Variants in AIDA observed in about 807,000 individuals in gnomAD.
The protein encoded by AIDA is axin interactor, dorsalization associated.
AIDA carries 18 observed loss-of-function variants against 42.7 expected under a neutral mutation model. That is an observed-to-expected ratio of 0.42 (90% CI 0.29 to 0.63). AIDA has a LOEUF of 0.63. Ranked by LOEUF, AIDA falls within the 20% of genes least tolerant of loss-of-function variation. The pLI is 0.19. For missense variants in AIDA, 250 were observed against 354.1 expected (o/e 0.71, Z 2.36); for synonymous variants, 104 against 122.9 (o/e 0.85, Z 1.02).
chr1:222,694,915 C>CT (rs1204771983), intron 2 of AIDA, among the ~76,000 whole-genome samples: 2 of 152,112 alleles, frequency 1.3e-5, no homozygotes, highest in African/African-American at 4.8e-5. Flanking sequence ...AGGTATGCCA[C>CT]TATATGACCT....
intron 6 of AIDA, among the ~76,000 whole-genome samples, chr1:222,676,727 C>A (rs1475117009): frequency 6.6e-6 from 1 of 152,056 alleles, no homozygotes; most frequent in East Asian, 1.9e-4. Flanking sequence ...ACAATCACAG[C>A]TCACTGCAGC....
At position 222,676,188 on chromosome 1, in the gene AIDA, G is replaced by A; in HGVS notation, c.491C>T (p.Pro164Leu). Residue 164 changes from proline to leucine, a missense_variant, in exon 7 of 10, where the codon CCA becomes CTA. Pro to Leu is a moderately conservative substitution (Grantham distance 98). Around this residue, in one of 4 missense-constraint regions of AIDA, gnomAD observed 199 missense variants for 232.6 expected, o/e 0.86. Coordinates refer to ENST00000340020, the MANE Select transcript of AIDA (RefSeq NM_022831.4). ...GTLLPRLPSE[P>L]GMTLLTIRIE... ...TCTGATAGTGAGTAATGTCATTCCT[G>A]GTTCCGATGGCAACCTTGGTAATAA... 6.2e-7 allele frequency: 1 copy of A among 1,611,574 alleles called. No individual in the cohort carries two copies. The highest frequency in any genetic ancestry group is 8.5e-7 in the Non-Finnish European group (1 of 1,179,128).
At chr1:222,681,247 T>A (rs1399312778) in intron 6 of AIDA, among the ~76,000 whole-genome samples, 1 of 152,226 alleles carries the variant, frequency 6.6e-6, no homozygotes, top group African/African-American at 2.4e-5. Context: ...GCTGACACTG[T>A]CAACTCATGG....
Position 222,669,604 on chromosome 1 carries a change from T to C in AIDA, c.*289A>G. On this transcript the variant is annotated 3_prime_UTR_variant, in exon 10 of 10. Transcript: ENST00000340020. ...AACAGTATTGTTCCAGGAAGCAGGG[T>C]AGGAGTAGTGGTAAATTAGAAAATA... 3.4e-6 allele frequency: 1 copy of C among 290,414 alleles called. No homozygotes were observed. Among genetic ancestry groups the C allele is most frequent in the Admixed American group, 4.6e-5 (1 of 21,794 alleles). 18.0% of individuals were successfully genotyped at this position (290,414 alleles called of 1,614,324 possible). A position where few individuals can be genotyped will look rare whatever the true frequency, so the allele number is the denominator to read the frequency against.
chr1:222,671,751 A>C, intron 8 of AIDA, among the ~76,000 whole-genome samples: 1 of 152,198 alleles, frequency 6.6e-6, no homozygotes. Flanking sequence ...TCATTTCCAC[A>C]AATGGTGGCT....
intron 1 of AIDA, chr1:222,711,416 A>C (rs1343285224): frequency 6.6e-6 from 1 of 152,280 alleles, no homozygotes; most frequent in East Asian, 1.9e-4. Flanking sequence ...CAGGAAAAGG[A>C]GGAGGGATCC....
intron 1 of AIDA, 122 bp from the exon 2 acceptor site, chr1:222,703,339 C>T: frequency 1.6e-6 from 1 of 620,880 alleles, no homozygotes. Flanking sequence ...AAATACAAAT[C>T]TACATTGAGA....
chr1:222,670,327 G>C (rs1056049317), intron 8 of AIDA, 77 bp from the exon 9 acceptor site: 2 of 1,156,748 alleles, frequency 1.7e-6, no homozygotes, highest in African/African-American at 3.1e-5. Flanking sequence ...TTGATCACCA[G>C]AAGCATATGA....
At chr1:222,707,932 T>G (rs1655887354) in intron 1 of AIDA, among the ~76,000 whole-genome samples, 3 of 152,238 alleles carry the variant, frequency 2.0e-5, no homozygotes, top group Admixed American at 2.0e-4. Context: ...TTTCCTTATC[T>G]TACTGCACAG....
chr1:222,687,112 T>A (rs986803075), intron 5 of AIDA, 76 bp from the exon 6 acceptor site: 3 of 1,552,292 alleles, frequency 1.9e-6, no homozygotes, highest in Non-Finnish European at 2.6e-6. Context: ...GACACTCGTT[T>A]CCCAGGCAAG....
chr1:222,673,818 T>C (rs1216484922), intron 7 of AIDA, among the ~76,000 whole-genome samples: 1 of 150,340 alleles, frequency 6.7e-6, no homozygotes, highest in Non-Finnish European at 1.5e-5. Flanking sequence ...GCACGGTGGC[T>C]CACACCTGTA....
At chr1:222,671,845 G>A (rs1320853313) in intron 8 of AIDA, among the ~76,000 whole-genome samples, 1 of 152,172 alleles carries the variant, frequency 6.6e-6, no homozygotes, top group African/African-American at 2.4e-5. Flanking sequence ...TTTTCTGCTA[G>A]GAAACCCATC....
At chr1:222,711,979 T>C (rs1360908537) in intron 1 of AIDA, 11 of 572,076 alleles carry the variant, frequency 1.9e-5, no homozygotes, top group Admixed American at 3.3e-5. Flanking sequence ...AATGGAACTG[T>C]CCCTGCGGAG....
intron 8 of AIDA, among the ~76,000 whole-genome samples, chr1:222,671,307 G>GA (rs1664444982): frequency 6.6e-6 from 1 of 152,110 alleles, no homozygotes; most frequent in Admixed American, 6.6e-5. Context: ...CAATCCTGCA[G>GA]AAAAAAGCTA....
chr1:222,712,154 G>A, intron 1 of AIDA, 54 bp downstream of exon 1: 1 of 1,552,170 alleles, frequency 6.4e-7, no homozygotes, highest in Non-Finnish European at 8.7e-7. Flanking sequence ...CAGAAACAAG[G>A]GAGAGGCGCA....
rs1664397325 is a variant in AIDA at position 222,669,069 on chromosome 1, ATTATT to A, written c.*819_*823del. 6.6e-6 allele frequency: 1 copy of A among 152,016 alleles called. No individual in the cohort carries two copies. The highest frequency in any genetic ancestry group is 1.5e-5 in the Non-Finnish European group (1 of 68,022). The allele number at this position is 152,016 out of a possible 1,614,324, so 9.4% of individuals were successfully genotyped here. On this transcript the variant is annotated 3_prime_UTR_variant, in exon 10 of 10. Transcript: ENST00000340020. ...CAGTATCTCGTTAGCATCTGACTCA[ATTATT>A]TTTAGATTACATTGTTTAGAAGACA... is the stretch of plus-strand genomic sequence containing the variant.
chr1:222,692,552 T>C (rs1363758473), intron 4 of AIDA, among the ~76,000 whole-genome samples: 3 of 152,172 alleles, frequency 2.0e-5, no homozygotes. Flanking sequence ...TTCAATTCTA[T>C]TCAATGTAAC....
chr1:222,672,747 G>A (rs1339473092), intron 8 of AIDA, among the ~76,000 whole-genome samples: 1 of 152,218 alleles, frequency 6.6e-6, no homozygotes, highest in Non-Finnish European at 1.5e-5. Flanking sequence ...TTCAGAAACT[G>A]CAACTGAACC....
chr1:222,689,520 T>TATATATATACATAC (rs765351898), intron 4 of AIDA, among the ~76,000 whole-genome samples: 28 of 58,110 alleles, frequency 4.8e-4, no homozygotes, highest in East Asian at 2.6e-3. Context: ...TATATATATA[T>TATATATATACATAC]ACACACATAC....
Sources: gnomAD v4.1 joint callset for allele counts (sites outside exome capture counted in the v4.1 genomes callset) on GRCh38, gnomAD v4.1.1 for gene constraint, gnomAD v4.1.1 regional missense constraint, MANE v1.5 for transcripts, NCBI Gene and HGNC (gene_info 2026-07-23, HGNC 2026-07-21) for gene names.